BMP6: variants seen among roughly 807,000 people sequenced by gnomAD.
The protein encoded by BMP6 is VG-1-R.
In BMP6, 17 loss-of-function variants were observed where a neutral mutation model predicts 54.1. That is an observed-to-expected ratio of 0.31 (90% CI 0.22 to 0.47). The LOEUF is 0.47. Among genes scored for constraint, BMP6 ranks in the 20% least tolerant of loss-of-function variants. BMP6 has a pLI of 1.00. For synonymous variants in BMP6, 328 were observed against 291.2 expected, an observed-to-expected ratio of 1.13 and a Z score of -1.28; for missense variants, 720 against 690.4, an observed-to-expected ratio of 1.04 and a Z score of -0.48.
At chr6:7,878,323 A>G (rs1759654065) in intron 4 of BMP6, among the ~76,000 whole-genome samples, 1 of 152,284 alleles carries the variant, frequency 6.6e-6, no homozygotes, top group African/African-American at 2.4e-5. Context: ...AAGGCATGTC[A>G]CGTAAGAGTC....
rs71542880 is a variant in BMP6 at position 7,759,696 on chromosome 6, CTTTTTTTTTTTT to C, written c.664+32090_664+32101del. Among the ~76,000 whole-genome samples the C allele has an allele frequency of 1.4e-4, 9 of 62,150 alleles. 1 individual carries two copies. Among genetic ancestry groups the C allele is most frequent in the South Asian group, 1.3e-3 (2 of 1,566 alleles). The allele number at this position is 62,150 out of a possible 152,430, so 40.8% of individuals were successfully genotyped here. ...TTTAAAGACTAATTTCTTTCTTCTT[CTTTTTTTTTTTT>C]TTTTTTTTTTTTGGAGACTGAATCT... On this transcript the variant is annotated intron_variant, in intron 1 of 6. Coordinates refer to ENST00000283147, the MANE Select transcript of BMP6 (RefSeq NM_001718.6).
chr6:7,736,116 ATCTT>A (rs1187602356), intron 1 of BMP6, among the ~76,000 whole-genome samples: 8 of 152,228 alleles, frequency 5.3e-5, no homozygotes, highest in Admixed American at 3.3e-4. Context: ...TCCATCAGAA[ATCTT>A]TCTTTTTTCT....
At chr6:7,736,786 T>C (rs935471925) in intron 1 of BMP6, among the ~76,000 whole-genome samples, 4 of 152,234 alleles carry the variant, frequency 2.6e-5, no homozygotes, top group Non-Finnish European at 4.4e-5. Flanking sequence ...TCTCCATCTC[T>C]CTTCACGTCA....
At chr6:7,847,884 A>G (rs1006455182) in intron 2 of BMP6, among the ~76,000 whole-genome samples, 2 of 152,228 alleles carry the variant, frequency 1.3e-5, no homozygotes, top group Non-Finnish European at 2.9e-5. Context: ...AAGAACAAGC[A>G]AACACTTGAT....
rs963633783 is a variant in BMP6 at position 7,826,722 on chromosome 6, C to T, written c.665-18418C>T. On this transcript the variant is annotated intron_variant, in intron 1 of 6. Transcript: ENST00000283147. ...AGGAAGAGCAAAAGGCAGAGCAAAG[C>T]GTCTGCTGCAGGTGAATCAAGATGT... 5.3e-5 allele frequency among the ~76,000 whole-genome samples: 8 copies of T among 152,156 alleles called. No homozygotes were observed. In the South Asian group the frequency reaches 1.0e-3, roughly 20 times the overall value.
At chr6:7,796,288 G>C (rs1758189730) in intron 1 of BMP6, among the ~76,000 whole-genome samples, 1 of 152,246 alleles carries the variant, frequency 6.6e-6, no homozygotes, top group Non-Finnish European at 1.5e-5. Context: ...GATTGCCAGA[G>C]GGAACACATT....
chr6:7,815,058 T>C (rs1758505473), intron 1 of BMP6, among the ~76,000 whole-genome samples: 1 of 152,238 alleles, frequency 6.6e-6, no homozygotes, highest in South Asian at 2.1e-4. Context: ...AATTGTGTGA[T>C]GCTAAGTTCC....
At chr6:7,874,987 C>T (rs1187412426) in intron 4 of BMP6, among the ~76,000 whole-genome samples, 1 of 151,968 alleles carries the variant, frequency 6.6e-6, no homozygotes, top group African/African-American at 2.4e-5. Context: ...ATTACGGAGG[C>T]CAAGAAGTCA....
At chr6:7,729,918 T>C (rs1761822302) in intron 1 of BMP6, among the ~76,000 whole-genome samples, 1 of 152,174 alleles carries the variant, frequency 6.6e-6, no homozygotes, top group Admixed American at 6.5e-5. Flanking sequence ...TTGCCCAGGC[T>C]GGACTCAAAA....
At chr6:7,794,676 A>C (rs1165666741) in intron 1 of BMP6, among the ~76,000 whole-genome samples, 1 of 152,162 alleles carries the variant, frequency 6.6e-6, no homozygotes, top group Non-Finnish European at 1.5e-5. Context: ...GATACCTTAC[A>C]ATAAATTTGC....
At chr6:7,818,782 C>T (rs1312685728) in intron 1 of BMP6, among the ~76,000 whole-genome samples, 5 of 152,238 alleles carry the variant, frequency 3.3e-5, no homozygotes, top group African/African-American at 1.2e-4. Flanking sequence ...TGTCAGGTCA[C>T]ACGCCTCATG....
At chr6:7,783,438 T>C (rs1757976741) in intron 1 of BMP6, among the ~76,000 whole-genome samples, 1 of 152,268 alleles carries the variant, frequency 6.6e-6, no homozygotes, top group Admixed American at 6.5e-5. Flanking sequence ...GTCTTAACTA[T>C]TTTTTATTCC....
intron 4 of BMP6, among the ~76,000 whole-genome samples, chr6:7,876,650 TTAAG>T (rs1759622314): frequency 6.6e-6 from 1 of 152,244 alleles, no homozygotes; most frequent in Non-Finnish European, 1.5e-5. Flanking sequence ...AACTAATCTG[TTAAG>T]TAATCTGTTT....
chr6:7,838,535 C>G (rs972751382), intron 1 of BMP6, among the ~76,000 whole-genome samples: 1 of 152,188 alleles, frequency 6.6e-6, no homozygotes, highest in African/African-American at 2.4e-5. Flanking sequence ...CTCTTCTTTT[C>G]CTATTATTTA....
intron 1 of BMP6, among the ~76,000 whole-genome samples, chr6:7,805,431 G>A (rs1303182215): frequency 6.6e-6 from 1 of 152,186 alleles, no homozygotes; most frequent in Non-Finnish European, 1.5e-5. Flanking sequence ...TGAAATTTGT[G>A]TTATTTTAAT....
At chr6:7,840,641 A>G (rs1250229909) in intron 1 of BMP6, among the ~76,000 whole-genome samples, 1 of 152,010 alleles carries the variant, frequency 6.6e-6, no homozygotes, top group African/African-American at 2.4e-5. Context: ...TCCCTATTTT[A>G]TTTAGTATTA....
intron 1 of BMP6, among the ~76,000 whole-genome samples, chr6:7,830,737 G>T (rs150134019): frequency 4.9e-4 from 75 of 152,308 alleles, no homozygotes; most frequent in Admixed American, 4.5e-3. Context: ...AAGAGCATGT[G>T]CAGGGGAAAT....
intron 1 of BMP6, among the ~76,000 whole-genome samples, chr6:7,732,889 C>G (rs542629195): frequency 7.8e-6 from 1 of 128,902 alleles, no homozygotes; most frequent in South Asian, 2.4e-4. Flanking sequence ...ATGAACTATT[C>G]TAGGGAATGA....
At chr6:7,752,002 C>T (rs987867924) in intron 1 of BMP6, among the ~76,000 whole-genome samples, 1 of 152,232 alleles carries the variant, frequency 6.6e-6, no homozygotes, top group Non-Finnish European at 1.5e-5. Context: ...CACTACTTCA[C>T]AAACACACTT....
Sources: gnomAD v4.1 joint callset for allele counts (sites outside exome capture counted in the v4.1 genomes callset) on GRCh38, gnomAD v4.1.1 for gene constraint, MANE v1.5 for transcripts, NCBI Gene and HGNC (gene_info 2026-07-23, HGNC 2026-07-21) for gene names.